CFAP70: variants seen among roughly 807,000 people sequenced by gnomAD.
The protein encoded by CFAP70 is cilia- and flagella-associated protein 70.
In CFAP70, 81 loss-of-function variants were observed where a neutral mutation model predicts 137.6. That is an observed-to-expected ratio of 0.59 (90% confidence interval 0.49 to 0.71). CFAP70 has a LOEUF of 0.71. Ranked by LOEUF, CFAP70 falls within the 30% of genes least tolerant of loss-of-function variation. The probability of loss-of-function intolerance (pLI) is 0.00; values close to 1 mark genes in which losing one functional copy is unlikely to be tolerated. For synonymous variants in CFAP70, 382 were observed against 423.6 expected (o/e 0.90, Z 1.20); for missense variants, 976 against 1,226.7 (o/e 0.80, Z 3.05).
In CFAP70 at chr10:73,327,244, T is replaced by C. The variant is rs368087421; in HGVS notation, c.777+3933A>G. Among the ~76,000 whole-genome samples the C allele has an allele frequency of 7.5e-4, 114 of 151,208 alleles. No individual in the cohort carries two copies. In the East Asian group the frequency reaches 0.014, roughly 18 times the overall value. ...AGAACCAAAGACAAAAACCACATGA[T>C]TATCTCAAAAGATGCAGAAAAGGCC... On this transcript the variant is annotated intron_variant, in intron 8 of 26. Coordinates refer to ENST00000310715, the Ensembl canonical transcript of CFAP70.
exon 10 of CFAP70, chr10:73,312,492 C>T: frequency 1.2e-6 from 2 of 1,607,798 alleles, no homozygotes; most frequent in African/African-American, 1.3e-5. Context: ...AGGCCTAGGC[C>T]TTCCATCTAT....
chr10:73,322,550 G>A (rs1270313676), intron 9 of CFAP70, among the ~76,000 whole-genome samples: 2 of 140,572 alleles, frequency 1.4e-5, no homozygotes, highest in African/African-American at 5.3e-5. Context: ...GCACTCCAAA[G>A]TGAGACCCAC....
At position 73,253,949 on chromosome 10, in the gene CFAP70, C is replaced by A; in HGVS notation, c.*26G>T. On this transcript the variant is annotated 3_prime_UTR_variant, in exon 27 of 27. Coordinates refer to ENST00000310715, the Ensembl canonical transcript of CFAP70. ...AAGGAAAGGAACTCAGAGTCCCATG[C>A]AGAAAATTGTTCAGCTGGAGGGGTA... 2.5e-6 allele frequency: 4 copies of A among 1,575,862 alleles called. No individual in the cohort carries two copies. The Admixed American group carries it at 6.7e-5, about 27-fold the overall frequency.
At chr10:73,336,876 G>A (rs1466096372) in intron 6 of CFAP70, among the ~76,000 whole-genome samples, 7 of 151,838 alleles carry the variant, frequency 4.6e-5, no homozygotes, top group East Asian at 1.9e-4. Flanking sequence ...GCGCCCGGCC[G>A]CGTTATACTA....
intron 1 of CFAP70, among the ~76,000 whole-genome samples, chr10:73,355,374 C>T (rs1404822561): frequency 6.6e-6 from 1 of 152,184 alleles, no homozygotes; most frequent in Non-Finnish European, 1.5e-5. Flanking sequence ...TTATAAGAAT[C>T]GAATGCCTGA....
chr10:73,351,675 C>G (rs1035147456), intron 3 of CFAP70, among the ~76,000 whole-genome samples: 4 of 152,178 alleles, frequency 2.6e-5, no homozygotes, highest in East Asian at 3.8e-4. Flanking sequence ...TTGTGATCCA[C>G]GCATCTCAGC....
At chr10:73,330,970 G>A (rs577760050) in intron 8 of CFAP70, among the ~76,000 whole-genome samples, 1 of 152,074 alleles carries the variant, frequency 6.6e-6, no homozygotes, top group African/African-American at 2.4e-5. Context: ...CAATAATCCT[G>A]GTTTTTCCCA....
chr10:73,288,428 A>C (rs2047911937), intron 19 of CFAP70, among the ~76,000 whole-genome samples: 1 of 152,178 alleles, frequency 6.6e-6, no homozygotes, highest in Non-Finnish European at 1.5e-5. Flanking sequence ...TACCTGTCTA[A>C]TATATCTCAG....
upstream of CFAP70, chr10:73,358,933 T>A (rs1330808421): frequency 6.6e-6 from 1 of 152,246 alleles, no homozygotes; most frequent in East Asian, 1.9e-4. Flanking sequence ...ATGCTTTACC[T>A]TGCCAAGAGT....
At chr10:73,343,209 C>CAA (rs60755900) in intron 5 of CFAP70, among the ~76,000 whole-genome samples, 1,157 of 72,604 alleles carry the variant, frequency 0.016, 27 homozygotes, top group African/African-American at 0.039. Flanking sequence ...GATTCCGTCT[C>CAA]AAAAAAAAAA....
chr10:73,317,831 C>T (rs530398052), intron 9 of CFAP70, among the ~76,000 whole-genome samples: 51 of 152,190 alleles, frequency 3.4e-4, no homozygotes, highest in African/African-American at 1.2e-3. Context: ...AATGTGATCC[C>T]GTGTTGTAGG....
rs556048471 is a variant in CFAP70, at chr10:73,306,990, G to T, written c.1256+3168C>A. 1.0e-3 allele frequency among the ~76,000 whole-genome samples: 153 copies of T among 150,434 alleles called. 3 individuals are homozygous for T. In the South Asian group the frequency reaches 0.031, roughly 30 times the overall value. ...CTCCTCTTTCTCTCCTCTTTTTTTT[G>T]ATGACAAATGCATAAAATAATAATG... On this transcript the variant is annotated intron_variant, in intron 12 of 26. Coordinates refer to ENST00000310715, the Ensembl canonical transcript of CFAP70.
At chr10:73,352,043 T>C (rs574724463) in intron 3 of CFAP70, among the ~76,000 whole-genome samples, 2 of 152,156 alleles carry the variant, frequency 1.3e-5, no homozygotes, top group Non-Finnish European at 2.9e-5. Flanking sequence ...GATACCACAG[T>C]GGGTGTGGAC....
rs753343973 is a variant in CFAP70 at position 73,354,817 on chromosome 10, C to T, written c.-21G>A. 5.0e-6 allele frequency: 8 copies of T among 1,611,934 alleles called. 1 individual carries two copies. The South Asian group carries it at 8.8e-5, about 18-fold the overall frequency. On this transcript the variant is annotated 5_prime_UTR_variant, in exon 2 of 27. Transcript: ENST00000310715. ...TCCATATCACCAACTGGGAAAAGTC[C>T]CTCTGTTTTCTTTGGTCTCTGTAAA...
intron 19 of CFAP70, among the ~76,000 whole-genome samples, chr10:73,279,612 A>G (rs922967537): frequency 6.6e-6 from 1 of 152,022 alleles, no homozygotes; most frequent in Non-Finnish European, 1.5e-5. Flanking sequence ...TGAGCCCAGC[A>G]CTTTGGGAGG....
chr10:73,296,274 T>G (rs1264712238), intron 15 of CFAP70: 1 of 152,204 alleles, frequency 6.6e-6, no homozygotes, highest in African/African-American at 2.4e-5. Context: ...TCAATTGCTT[T>G]TCAAATCAAA....
intron 5 of CFAP70, 94 bp from the exon 7 acceptor site, chr10:73,341,675 G>A: frequency 8.9e-7 from 1 of 1,121,696 alleles, no homozygotes; most frequent in South Asian, 1.3e-5. Context: ...GGAATGCTGA[G>A]TGTTATCAAA....
At chr10:73,261,747 T>C (rs1319182417) in intron 25 of CFAP70, among the ~76,000 whole-genome samples, 3 of 151,940 alleles carry the variant, frequency 2.0e-5, no homozygotes, top group Admixed American at 2.0e-4. Context: ...GCTCAAGCGA[T>C]TTGCCTGCTC....
intron 23 of CFAP70, among the ~76,000 whole-genome samples, chr10:73,273,971 G>C (rs988387421): frequency 6.6e-6 from 1 of 152,130 alleles, no homozygotes. Flanking sequence ...AAAGAACTCG[G>C]AATATTTCCC....
Sources: allele counts gnomAD v4.1 joint callset (sites outside exome capture counted in the v4.1 genomes callset), GRCh38; gene constraint gnomAD v4.1.1; transcripts MANE v1.5; gene names NCBI Gene and HGNC (gene_info 2026-07-23, HGNC 2026-07-21).